The following CUX1 variants were observed in gnomAD, a reference collection of about 807,000 sequenced individuals.
CUX1 encodes the protein protein CASP.
CUX1 carries 31 observed loss-of-function variants against 158.8 expected under a neutral mutation model. The ratio of observed to expected loss-of-function variants is 0.20; its 90% CI spans 0.15 to 0.26. CUX1 has a LOEUF of 0.26. Among genes scored for constraint, CUX1 ranks in the 10% least tolerant of loss-of-function variants. The probability of loss-of-function intolerance (pLI) is 1.00; values close to 1 mark genes in which losing one functional copy is unlikely to be tolerated. For missense variants in CUX1, 1,589 were observed against 2,014.6 expected (o/e 0.79, Z 4.04); for synonymous variants, 879 against 862.1 (o/e 1.02, Z -0.34).
intron 1 of CUX1, among the ~76,000 whole-genome samples, chr7:101,894,534 ACTC>A (rs1223797309): frequency 1.3e-5 from 2 of 151,604 alleles, no homozygotes; most frequent in Admixed American, 1.3e-4. Flanking sequence ...CTGGTCTCAA[ACTC>A]CTGACCTCAG....
intron 14 of CUX1, among the ~76,000 whole-genome samples, chr7:102,270,109 A>T (rs1187141326): frequency 6.6e-6 from 1 of 152,192 alleles, no homozygotes; most frequent in Non-Finnish European, 1.5e-5. Context: ...AGGTTGAAGA[A>T]CTTGCCGAAG....
intron 20 of CUX1, among the ~76,000 whole-genome samples, chr7:102,224,804 G>T (rs997922024): frequency 1.2e-4 from 19 of 152,244 alleles, no homozygotes; most frequent in Admixed American, 1.3e-4. Context: ...AAAACAGGGA[G>T]ATGCCACAGC....
chr7:102,109,662 T>C (rs940185371), intron 6 of CUX1, among the ~76,000 whole-genome samples: 10 of 151,880 alleles, frequency 6.6e-5, no homozygotes, highest in Admixed American at 6.6e-4. Context: ...TGCACACCTG[T>C]AATTCCAGCT....
intron 1 of CUX1, among the ~76,000 whole-genome samples, chr7:101,893,719 G>T (rs1034564838): frequency 6.6e-6 from 1 of 152,200 alleles, no homozygotes; most frequent in African/African-American, 2.4e-5. Context: ...TCCCAAATTG[G>T]ATTGGCTGTT....
intron 3 of CUX1, among the ~76,000 whole-genome samples, chr7:102,054,449 C>T (rs1823899750): frequency 6.6e-6 from 1 of 152,130 alleles, no homozygotes. Flanking sequence ...TCACTCTTGT[C>T]AAAAATCAGT....
chr7:102,224,674 G>T (rs1037040399), intron 20 of CUX1, among the ~76,000 whole-genome samples: 1 of 152,172 alleles, frequency 6.6e-6, no homozygotes, highest in African/African-American at 2.4e-5. Flanking sequence ...CCCCTGTTTA[G>T]TTCTCCTGGG....
chr7:102,223,694 C>T (rs983846837), intron 20 of CUX1, among the ~76,000 whole-genome samples: 8 of 152,100 alleles, frequency 5.3e-5, no homozygotes, highest in Non-Finnish European at 8.8e-5. Flanking sequence ...AAGGGTCAGG[C>T]GCGGTGGCTC....
rs1805995032 is a variant in CUX1, at chr7:101,929,105, G to T, written c.141+12880G>T. Among the ~76,000 whole-genome samples the T allele has an allele frequency of 2.0e-5, 3 of 152,158 alleles. No individual in the cohort carries two copies. The South Asian group carries it at 6.2e-4, about 32-fold the overall frequency. On this transcript the variant is annotated intron_variant, in intron 2 of 23. Coordinates refer to ENST00000292535, the MANE Select transcript of CUX1 (RefSeq NM_181552.4). ...GCAGGAGAATCGCTTGAACCCAGGA[G>T]ATGGGGGTTGCAGTAAGCCAAGATC...
intron 1 of CUX1, among the ~76,000 whole-genome samples, chr7:101,831,447 C>T (rs576229311): frequency 3.9e-4 from 60 of 152,168 alleles, no homozygotes; most frequent in Admixed American, 5.9e-4. Flanking sequence ...TGCACCACCA[C>T]GCCGGGCTAA....
chr7:102,173,972 A>T (rs1481265949), intron 10 of CUX1, among the ~76,000 whole-genome samples: 2 of 152,164 alleles, frequency 1.3e-5, no homozygotes, highest in African/African-American at 2.4e-5. Context: ...AATGCAGCAG[A>T]GAAACGGTGG....
chr7:102,013,323 G>A (rs1818245035), intron 2 of CUX1, among the ~76,000 whole-genome samples: 1 of 152,146 alleles, frequency 6.6e-6, no homozygotes, highest in Non-Finnish European at 1.5e-5. Flanking sequence ...AAAAGTCTGT[G>A]CAAATTTGCT....
At chr7:101,865,446 T>C (rs936284917) in intron 1 of CUX1, among the ~76,000 whole-genome samples, 1 of 152,230 alleles carries the variant, frequency 6.6e-6, no homozygotes, top group Non-Finnish European at 1.5e-5. Flanking sequence ...CAGCTGAAAT[T>C]GCCTGGCTGC....
chr7:101,984,113 TATATATATATATATATACAC>T, intron 2 of CUX1, among the ~76,000 whole-genome samples: 1 of 70,582 alleles, frequency 1.4e-5, no homozygotes, highest in African/African-American at 6.6e-5. Context: ...TATATATATA[TATATATATATATATATACAC>T]ACACACATAT....
At chr7:102,150,278 C>T (rs145322816) in intron 8 of CUX1, among the ~76,000 whole-genome samples, 3,161 of 152,240 alleles carry the variant, frequency 0.021, 115 homozygotes, top group African/African-American at 0.072. Context: ...GCCTCAGCCT[C>T]CCGAGTAGCT....
intron 1 of CUX1, among the ~76,000 whole-genome samples, chr7:101,859,135 A>C (rs1328873214): frequency 1.3e-5 from 2 of 152,152 alleles, no homozygotes; most frequent in African/African-American, 4.8e-5. Context: ...CCTTGTCACT[A>C]AAGGCACTGC....
At chr7:101,883,767 T>A (rs1412841177) in intron 1 of CUX1, among the ~76,000 whole-genome samples, 2 of 152,072 alleles carry the variant, frequency 1.3e-5, no homozygotes, top group South Asian at 2.1e-4. Context: ...GGCTAATTTT[T>A]GTATTTTTAG....
chr7:102,281,871 G>A (rs145083539), exon 21 of CUX1: 32 of 1,613,316 alleles, frequency 2.0e-5, no homozygotes, highest in African/African-American at 2.7e-5. Context: ...AAGATGGCGC[G>A]CACCATCGGC....
At chr7:102,036,453 A>C (rs1821428682) in intron 3 of CUX1, among the ~76,000 whole-genome samples, 1 of 152,060 alleles carries the variant, frequency 6.6e-6, no homozygotes, top group Non-Finnish European at 1.5e-5. Context: ...AAGAAATCAG[A>C]ATCTGGCCGA....
intron 1 of CUX1, among the ~76,000 whole-genome samples, chr7:101,907,638 C>T (rs1425977887): frequency 2.0e-5 from 3 of 152,132 alleles, no homozygotes; most frequent in East Asian, 3.9e-4. Context: ...TGTGAGTCAC[C>T]CACTGGCCAC....
Sources: gnomAD v4.1 joint callset for allele counts (sites outside exome capture counted in the v4.1 genomes callset) on GRCh38, gnomAD v4.1.1 for gene constraint, MANE v1.5 for transcripts, NCBI Gene and HGNC (gene_info 2026-07-23, HGNC 2026-07-21) for gene names.